The following SVEP1 variants were observed in gnomAD, a reference collection of about 807,000 sequenced individuals.
The protein encoded by SVEP1 is sushi, von Willebrand factor type A, EGF and pentraxin domain containing 1.
In SVEP1, 164 loss-of-function variants were observed where a neutral mutation model predicts 367.3. That is an observed-to-expected ratio of 0.45 (90% CI 0.39 to 0.51). SVEP1 has a LOEUF of 0.51. Ranked by LOEUF, SVEP1 falls within the 20% of genes least tolerant of loss-of-function variation. The probability of loss-of-function intolerance (pLI) is 0.00; values close to 1 mark genes in which losing one functional copy is unlikely to be tolerated. For missense variants in SVEP1, 4,117 were observed against 4,425.3 expected (o/e 0.93, Z 1.98); for synonymous variants, 1,666 against 1,611.6 (o/e 1.03, Z -0.81).
intron 1 of SVEP1, among the ~76,000 whole-genome samples, chr9:110,553,398 A>T (rs1830316487): frequency 1.3e-5 from 2 of 152,218 alleles, no homozygotes; most frequent in Admixed American, 6.5e-5. Flanking sequence ...GGAAATAGAG[A>T]TTAAAAAATT....
Position 110,411,745 on chromosome 9 carries a change from T to C in SVEP1, c.5976-10A>G, listed in dbSNP as rs41278439. The C allele has an allele frequency of 0.037, 55,928 of 1,503,368 alleles. 1,148 individuals carry two copies. Among genetic ancestry groups the C allele is most frequent in the East Asian group, 0.055 (2,271 of 41,384 alleles). 93.1% of individuals were successfully genotyped at this position (1,503,368 alleles called of 1,614,324 possible). A position where few individuals can be genotyped will look rare whatever the true frequency, so the allele number is the denominator to read the frequency against. On this transcript the variant is annotated splice_polypyrimidine_tract_variant and intron_variant, in intron 36 of 47. Coordinates refer to ENST00000374469, the MANE Select transcript of SVEP1 (RefSeq NM_153366.4). ...ACCAGCAAGAGTATAGCTGTGAGGT[T>C]GGGAAGAAAGAAAGAATAACTAAGC...
chr9:110,395,582 A>G (rs1477054876), intron 40 of SVEP1, among the ~76,000 whole-genome samples: 1 of 150,768 alleles, frequency 6.6e-6, no homozygotes, highest in Non-Finnish European at 1.5e-5. Context: ...GTCAAGACCC[A>G]TCAGTGTGCT....
intron 11 of SVEP1, 107 bp downstream of exon 11, chr9:110,482,253 TG>T: frequency 8.1e-7 from 1 of 1,235,438 alleles, no homozygotes; most frequent in South Asian, 2.3e-5. Flanking sequence ...GTCTTCTAAC[TG>T]TAAAAATCTA....
At chr9:110,460,254 C>T (rs1212597152) in intron 18 of SVEP1, among the ~76,000 whole-genome samples, 1 of 152,026 alleles carries the variant, frequency 6.6e-6, no homozygotes, top group African/African-American at 2.4e-5. Context: ...ATCTTATGGT[C>T]AGATAATTTA....
At chr9:110,519,183 G>C (rs958621670) in intron 3 of SVEP1, among the ~76,000 whole-genome samples, 10 of 152,096 alleles carry the variant, frequency 6.6e-5, no homozygotes, top group African/African-American at 2.4e-4. Context: ...TTTTGTTGTT[G>C]TTGTTAGGAT....
chr9:110,491,038 G>C (rs1165439813), intron 8 of SVEP1, among the ~76,000 whole-genome samples: 2 of 151,428 alleles, frequency 1.3e-5, no homozygotes, highest in Non-Finnish European at 3.0e-5. Flanking sequence ...ACTATAATTT[G>C]GAAATATATT....
intron 5 of SVEP1, 115 bp downstream of exon 5, chr9:110,512,811 G>A: frequency 8.2e-7 from 1 of 1,215,838 alleles, no homozygotes. Context: ...TCTTTCTGTA[G>A]TATGGGGTCT....
intron 20 of SVEP1, 43 bp from the exon 21 acceptor site, chr9:110,457,395 A>G: frequency 6.8e-7 from 1 of 1,472,160 alleles, no homozygotes; most frequent in Non-Finnish European, 9.5e-7. Flanking sequence ...AAAGCACTCT[A>G]TTTATTTCAA....
chr9:110,390,348 CACTTATATATATATACTTATATCT>C (rs1323829689), intron 40 of SVEP1, among the ~76,000 whole-genome samples: 1 of 33,194 alleles, frequency 3.0e-5, no homozygotes, highest in Non-Finnish European at 5.0e-5. Context: ...TACTTATATA[CACTTATATATATATACTTATATCT>C]ACTTATATAT....
At chr9:110,458,025 T>C (rs1019491914) in intron 20 of SVEP1, 1 of 419,516 alleles carries the variant, frequency 2.4e-6, no homozygotes, top group Admixed American at 3.0e-5. Flanking sequence ...AATTTATGTT[T>C]CTTAATTTTT....
intron 46 of SVEP1, among the ~76,000 whole-genome samples, chr9:110,370,925 G>A (rs560735583): frequency 5.3e-4 from 80 of 152,220 alleles, no homozygotes; most frequent in African/African-American, 1.9e-3. Flanking sequence ...ACCATTGTAC[G>A]TATATAATAT....
intron 38 of SVEP1, among the ~76,000 whole-genome samples, chr9:110,405,834 C>T (rs1827946118): frequency 6.6e-6 from 1 of 152,132 alleles, no homozygotes; most frequent in Admixed American, 6.5e-5. Flanking sequence ...AATTTACTAT[C>T]CTGATGTTTA....
intron 8 of SVEP1, among the ~76,000 whole-genome samples, chr9:110,493,443 A>G (rs1307902390): frequency 1.3e-5 from 2 of 152,114 alleles, no homozygotes; most frequent in East Asian, 3.9e-4. Flanking sequence ...GCTTAAAACA[A>G]CAAAAATGGG....
intron 43 of SVEP1, 95 bp from the exon 44 acceptor site, chr9:110,379,612 A>G: frequency 7.9e-7 from 1 of 1,272,994 alleles, no homozygotes; most frequent in East Asian, 2.5e-5. Context: ...GCAAAAATAA[A>G]ATACATAAGG....
intron 18 of SVEP1, among the ~76,000 whole-genome samples, chr9:110,465,396 T>G (rs1379809151): frequency 6.6e-6 from 1 of 152,162 alleles, no homozygotes; most frequent in Admixed American, 6.5e-5. Context: ...AAAATACTCA[T>G]GTAAATGTGA....
At chr9:110,522,427 A>G (rs1468051899) in intron 3 of SVEP1, among the ~76,000 whole-genome samples, 1 of 152,188 alleles carries the variant, frequency 6.6e-6, no homozygotes, top group African/African-American at 2.4e-5. Context: ...GTTAACCTTT[A>G]TAGATGCTGG....
At chr9:110,518,703 T>C (rs1829839867) in intron 3 of SVEP1, among the ~76,000 whole-genome samples, 1 of 152,236 alleles carries the variant, frequency 6.6e-6, no homozygotes, top group African/African-American at 2.4e-5. Context: ...TAAATAAAAC[T>C]TATGTTCTTT....
chr9:110,541,935 C>T (rs1413191800), intron 3 of SVEP1, among the ~76,000 whole-genome samples: 2 of 149,398 alleles, frequency 1.3e-5, no homozygotes, highest in Non-Finnish European at 3.0e-5. Flanking sequence ...CTACATATTA[C>T]ATTTATACAT....
At chr9:110,498,114 A>T (rs1829479637) in intron 7 of SVEP1, among the ~76,000 whole-genome samples, 1 of 152,240 alleles carries the variant, frequency 6.6e-6, no homozygotes, top group African/African-American at 2.4e-5. Flanking sequence ...TGTAAATGAA[A>T]TAGGTAACGT....
Sources: allele counts gnomAD v4.1 joint callset (sites outside exome capture counted in the v4.1 genomes callset), GRCh38; gene constraint gnomAD v4.1.1; transcripts MANE v1.5; gene names NCBI Gene and HGNC (gene_info 2026-07-23, HGNC 2026-07-21).